Variants in PRICKLE1 observed in about 807,000 individuals in gnomAD.
The protein encoded by PRICKLE1 is prickle-like protein 1.
A neutral mutation model predicts 70.2 loss-of-function variants in PRICKLE1; 14 were observed. That is an observed-to-expected ratio of 0.20 (90% CI 0.13 to 0.31). PRICKLE1 has a LOEUF of 0.31. Among genes scored for constraint, PRICKLE1 ranks in the 10% least tolerant of loss-of-function variants. PRICKLE1 has a pLI of 1.00. For missense variants in PRICKLE1, 821 were observed against 1,026.2 expected, an observed-to-expected ratio of 0.80 and a Z score of 2.73; for synonymous variants, 357 against 379.9, an observed-to-expected ratio of 0.94 and a Z score of 0.70.
intron 1 of PRICKLE1, among the ~76,000 whole-genome samples, chr12:42,532,155 A>G (rs189417159): frequency 1.3e-5 from 2 of 152,248 alleles, no homozygotes; most frequent in Admixed American, 1.3e-4. Flanking sequence ...ACACAGCAAG[A>G]CTCTGCCTCA....
intron 1 of PRICKLE1, among the ~76,000 whole-genome samples, chr12:42,490,675 T>C (rs1281600250): frequency 2.6e-5 from 4 of 151,990 alleles, no homozygotes; most frequent in Non-Finnish European, 1.5e-5. Flanking sequence ...GTGTACAGTC[T>C]GGGTAGGGGC....
chr12:42,533,814 C>T (rs1939967440), intron 1 of PRICKLE1, among the ~76,000 whole-genome samples: 3 of 152,114 alleles, frequency 2.0e-5, no homozygotes, highest in Non-Finnish European at 4.4e-5. Context: ...ACAGCAGAGG[C>T]CTTGTTCTTC....
Position 42,472,517 on chromosome 12 carries a change from A to G in PRICKLE1, c.-1T>C. ...TCTTGGGCTCCATCTCCAAAGGCAT[A>G]AAGTTTAAAGCCTGGTTTCTCAGTC... On this transcript the variant is annotated 5_prime_UTR_variant, in exon 2 of 8. Transcript: ENST00000345127. 2 of 1,614,184 alleles carry G rather than the reference A, an allele frequency of 1.2e-6. No individual in the cohort carries two copies. Among genetic ancestry groups the G allele is most frequent in the Non-Finnish European group, 1.7e-6 (2 of 1,180,028 alleles).
Position 42,464,487 on chromosome 12 carries a change from C to G in PRICKLE1, c.1547G>C (p.Trp516Ser), listed in dbSNP as rs139901494. The G allele has an allele frequency of 2.5e-4, 403 of 1,613,846 alleles. No individual in the cohort carries two copies. The highest frequency in any genetic ancestry group is 3.3e-4 in the Non-Finnish European group (390 of 1,180,042). ...CAGACACTCCAGGGAATCTTCATAC[C>G]ACTGTGTTTCATCATGATTATACCC... is the stretch of plus-strand genomic sequence containing the variant. ...ASGYNHDETQWYEDSLECLSD... is the reference protein window; with the variant it reads ...ASGYNHDETQSYEDSLECLSD... The change falls in exon 7 of 8, where the codon TGG becomes TCG. Residue 516 changes from tryptophan (W) to serine (S), a missense_variant. Transcript: ENST00000345127. The surrounding 1 kb of genome is among the most constrained non-coding windows in gnomAD (Gnocchi z 4.2).
chr12:42,459,439 C>G lies in PRICKLE1; in HGVS notation c.*370G>C, dbSNP rs1227472724. 5 of 693,884 alleles carry G rather than the reference C, an allele frequency of 7.2e-6. No individual in the cohort carries two copies. The highest frequency in any genetic ancestry group is 2.1e-5 in the Admixed American group (1 of 47,870). The allele number at this position is 693,884 out of a possible 1,614,324, so 43.0% of individuals were successfully genotyped here. A position where few individuals can be genotyped will look rare whatever the true frequency, so the allele number is the denominator to read the frequency against. The stretch of plus-strand genomic sequence containing the variant: ...GAGCCGACCTGACTTACATAAATGA[C>G]AAACACTAGTGCTTTACAAAGGTGG... On this transcript the variant is annotated 3_prime_UTR_variant, in exon 8 of 8. Coordinates refer to ENST00000345127, the MANE Select transcript of PRICKLE1 (RefSeq NM_153026.3).
chr12:42,575,397 A>C (rs745378728), intron 1 of PRICKLE1, among the ~76,000 whole-genome samples: 1 of 152,166 alleles, frequency 6.6e-6, no homozygotes, highest in African/African-American at 2.4e-5. Context: ...AGCCAAATAG[A>C]AAGACGTGCA....
chr12:42,496,228 G>A (rs1939199734), intron 1 of PRICKLE1, among the ~76,000 whole-genome samples: 4 of 152,222 alleles, frequency 2.6e-5, no homozygotes, highest in Admixed American at 2.0e-4. Flanking sequence ...GGGTGACCAG[G>A]TACCTTGTCA....
At chr12:42,540,820 C>T (rs1566119162) in intron 1 of PRICKLE1, among the ~76,000 whole-genome samples, 1 of 152,140 alleles carries the variant, frequency 6.6e-6, no homozygotes, top group African/African-American at 2.4e-5. Context: ...CTCAGCCTCC[C>T]AAAGTGCTGG....
At chr12:42,550,590 C>T (rs965985468) in intron 1 of PRICKLE1, among the ~76,000 whole-genome samples, 1 of 152,164 alleles carries the variant, frequency 6.6e-6, no homozygotes, top group East Asian at 1.9e-4. Context: ...GTGGAAAAGA[C>T]ATAACCCCTA....
At chr12:42,475,681 C>T (rs1200213627) in intron 1 of PRICKLE1, among the ~76,000 whole-genome samples, 1 of 152,150 alleles carries the variant, frequency 6.6e-6, no homozygotes, top group African/African-American at 2.4e-5. Context: ...GCCTCATGAG[C>T]ACTTGGTTCA....
Position 42,460,564 on chromosome 12 carries a change from C to T in PRICKLE1, c.1741G>A (p.Gly581Arg). Residue 581 changes from glycine to arginine, a missense_variant, in exon 8 of 8, where the codon GGA (glycine) becomes AGA (arginine). Coordinates refer to ENST00000345127, the MANE Select transcript of PRICKLE1 (RefSeq NM_153026.3). Reference sequence around the variant, plus strand: ...TGCAGCATGGAAGAGTTCAAAGTTCCCATATTGCTCATCTTCTCACAATCT... The same window carrying T: ...TGCAGCATGGAAGAGTTCAAAGTTCTCATATTGCTCATCTTCTCACAATCT... ...TEDCEKMSNM[G>R]TLNSSMLHRS... 1 of 1,614,060 alleles carries T rather than the reference C, an allele frequency of 6.2e-7. No individual in the cohort carries two copies.
rs1254082305 is a variant in PRICKLE1 at position 42,464,916 on chromosome 12, C to T, written c.1118G>A (p.Arg373Gln). ...LSGNADDTLS[R>Q]KLDDLSLSRQ... The stretch of plus-strand genomic sequence containing the variant: ...GGAGAGACTCAGATCATCCAATTTT[C>T]GAGAAAGGGTGTCATCAGCATTGCC... The change falls in exon 7 of 8, where the codon CGA becomes CAA. Residue 373 changes from arginine (R) to glutamine (Q), a missense_variant. By Grantham distance (43) the Arg-to-Gln change is conservative. Transcript: ENST00000345127. The surrounding 1 kb of genome is among the most constrained non-coding windows in gnomAD (Gnocchi z 4.2). 7.4e-6 allele frequency: 12 copies of T among 1,613,982 alleles called. No individual in the cohort carries two copies. The highest frequency in any genetic ancestry group is 3.3e-5 in the South Asian group (3 of 91,082).
Position 42,465,361 on chromosome 12 carries a change from G to A in PRICKLE1, c.776-103C>T. The A allele has an allele frequency of 1.7e-5, 19 of 1,099,234 alleles. No individual in the cohort carries two copies. The South Asian group carries it at 2.1e-4, about 12-fold the overall frequency. The allele number at this position is 1,099,234 out of a possible 1,614,324, so 68.1% of individuals were successfully genotyped here. On this transcript the variant is annotated intron_variant, in intron 6 of 7. Transcript: ENST00000345127. ...ATAAATAAAGATTATGGGTATGGGG[G>A]AGCTGTGTGGGTGACACAGATATAA...
chr12:42,541,727 G>A (rs1940120029), intron 1 of PRICKLE1, among the ~76,000 whole-genome samples: 1 of 152,202 alleles, frequency 6.6e-6, no homozygotes, highest in Non-Finnish European at 1.5e-5. Context: ...GGCTGGCCAG[G>A]TGACTGTCAC....
intron 1 of PRICKLE1, among the ~76,000 whole-genome samples, chr12:42,542,044 C>G (rs1940127402): frequency 6.6e-6 from 1 of 152,134 alleles, no homozygotes. Context: ...ATTGTTTTAT[C>G]TTACCAAGAA....
chr12:42,477,392 T>A (rs933000254), intron 1 of PRICKLE1, among the ~76,000 whole-genome samples: 2 of 146,806 alleles, frequency 1.4e-5, no homozygotes, highest in African/African-American at 2.5e-5. Flanking sequence ...CAAAACAAAA[T>A]ATATATATAT....
chr12:42,508,649 A>G (rs1939460922), intron 1 of PRICKLE1, among the ~76,000 whole-genome samples: 1 of 152,246 alleles, frequency 6.6e-6, no homozygotes, highest in Admixed American at 6.5e-5. Flanking sequence ...TAGGTTGAAC[A>G]CATAGAAAGT....
At chr12:42,560,103 AATTATTATTATTATTATTATTATT>A (rs35742688) in intron 1 of PRICKLE1, among the ~76,000 whole-genome samples, 1 of 139,894 alleles carries the variant, frequency 7.1e-6, no homozygotes. Context: ...AATCTCCTTT[AATTATTATTATTATTATTATTATT>A]ATTATTATTA....
intron 1 of PRICKLE1, among the ~76,000 whole-genome samples, chr12:42,488,809 G>A (rs1028022911): frequency 6.6e-6 from 1 of 151,892 alleles, no homozygotes; most frequent in African/African-American, 2.4e-5. Flanking sequence ...CCAGTAGTAT[G>A]GTTTCCAGGG....
Sources: allele counts gnomAD v4.1 joint callset (sites outside exome capture counted in the v4.1 genomes callset), GRCh38; gene constraint gnomAD v4.1.1; non-coding constraint Gnocchi (gnomAD v3.1); transcripts MANE v1.5; gene names NCBI Gene and HGNC (gene_info 2026-07-23, HGNC 2026-07-21).